SRGAP2: variants seen among roughly 807,000 people sequenced by gnomAD.
SRGAP2 encodes SLIT-ROBO Rho GTPase-activating protein 2.
Under a neutral mutation model 57.2 loss-of-function variants are expected in SRGAP2, and 15 were observed. The observed-to-expected ratio is 0.26, with a 90% CI of 0.18 to 0.40. SRGAP2 has a LOEUF of 0.40. Among genes scored for constraint, SRGAP2 ranks in the 10% least tolerant of loss-of-function variants. The pLI is 1.00. For synonymous variants in SRGAP2, 249 were observed against 248.0 expected (o/e 1.00, Z -0.04); for missense variants, 520 against 669.6 (o/e 0.78, Z 2.47).
In SRGAP2 at chr1:206,351,080, T is replaced by C. The variant is rs1180439974; in HGVS notation, c.423+8072T>C. Among the ~76,000 whole-genome samples the C allele has an allele frequency of 1.2e-4, 18 of 152,224 alleles. 1 individual carries two copies. The highest frequency in any genetic ancestry group is 3.9e-4 in the African/African-American group (16 of 41,456). On this transcript the variant is annotated intron_variant, in intron 4 of 22. Transcript: ENST00000573034. ...CTATCTGTTTGGTATCCATTTGGACTGAGATAGGATTTCCTATGGCGTGTC... is the reference window on the plus strand; with the variant it reads ...CTATCTGTTTGGTATCCATTTGGACCGAGATAGGATTTCCTATGGCGTGTC...
intron 2 of SRGAP2, among the ~76,000 whole-genome samples, chr1:206,227,322 G>A (rs1164893341): frequency 6.6e-6 from 1 of 152,190 alleles, no homozygotes; most frequent in African/African-American, 2.4e-5. Flanking sequence ...ATTTTTATTC[G>A]GTTAGAGAGA....
intron 17 of SRGAP2, among the ~76,000 whole-genome samples, chr1:206,445,161 G>A (rs1662646263): frequency 6.6e-6 from 1 of 152,198 alleles, no homozygotes; most frequent in South Asian, 2.1e-4. Flanking sequence ...AGACTCCTCA[G>A]CAGAGCTCAC....
intron 2 of SRGAP2, among the ~76,000 whole-genome samples, chr1:206,285,861 C>T (rs1434461748): frequency 2.6e-5 from 4 of 151,988 alleles, no homozygotes; most frequent in Non-Finnish European, 5.9e-5. Context: ...AGATGGGGTT[C>T]TGCCATGTTG....
rs535619017 is a variant in SRGAP2, at chr1:206,255,831, C to T, written c.68-47450C>T. 2.6e-5 allele frequency among the ~76,000 whole-genome samples: 4 copies of T among 152,124 alleles called. No homozygotes were observed. The South Asian group carries it at 8.3e-4, about 32-fold the overall frequency. ...AAAAAGCTCTAGGAGCTTTGCTCCC[C>T]CATCCTCTACTTGGGTTCTGGAACT... On this transcript the variant is annotated intron_variant, in intron 2 of 22. Transcript: ENST00000573034.
chr1:206,209,828 T>C (rs1301922810), intron 2 of SRGAP2, among the ~76,000 whole-genome samples: 7 of 148,748 alleles, frequency 4.7e-5, no homozygotes, highest in African/African-American at 1.8e-4. Context: ...TTCTGTATAC[T>C]TTAAATCATC....
At chr1:206,367,324 T>C (rs1252269166) in intron 4 of SRGAP2, among the ~76,000 whole-genome samples, 3 of 152,242 alleles carry the variant, frequency 2.0e-5, no homozygotes, top group Middle Eastern at 3.2e-3. Flanking sequence ...AGGTGCTTAC[T>C]ATATGCAAGG....
chr1:206,411,595 T>A (rs1659230697), intron 10 of SRGAP2, among the ~76,000 whole-genome samples: 1 of 152,224 alleles, frequency 6.6e-6, no homozygotes, highest in Non-Finnish European at 1.5e-5. Flanking sequence ...TATAGTGACA[T>A]CTGTGTATCT....
intron 14 of SRGAP2, 62 bp downstream of exon 14, chr1:206,430,284 C>T: frequency 1.3e-6 from 1 of 777,616 alleles, no homozygotes; most frequent in Admixed American, 1.7e-5. Flanking sequence ...TCCAGGAATT[C>T]TTTGTAGAGT....
intron 3 of SRGAP2, among the ~76,000 whole-genome samples, chr1:206,304,344 G>A (rs1396988632): frequency 7.2e-6 from 1 of 139,066 alleles, no homozygotes; most frequent in Non-Finnish European, 1.5e-5. Context: ...ACAGGGTGGT[G>A]TAAAAGCTTC....
intron 17 of SRGAP2, among the ~76,000 whole-genome samples, chr1:206,441,992 T>C (rs1662350420): frequency 6.6e-6 from 1 of 152,244 alleles, no homozygotes; most frequent in Non-Finnish European, 1.5e-5. Flanking sequence ...TTTGCACATA[T>C]TTCTTTGTGA....
chr1:206,437,340 C>A (rs1661857309), intron 15 of SRGAP2, among the ~76,000 whole-genome samples: 1 of 152,158 alleles, frequency 6.6e-6, no homozygotes, highest in South Asian at 2.1e-4. Flanking sequence ...CATCCGGAAC[C>A]CTTGGTAGCA....
In SRGAP2 at chr1:206,267,233, G is replaced by A. The variant is rs181716477; in HGVS notation, c.68-36048G>A. Reference sequence around the variant, plus strand: ...TCCGCCTGCCTCTGCCTCCCAAAGTGCTGGGATTACAGGCATGAGCCACCA... The same window carrying A: ...TCCGCCTGCCTCTGCCTCCCAAAGTACTGGGATTACAGGCATGAGCCACCA... On this transcript the variant is annotated intron_variant, in intron 2 of 22. Transcript: ENST00000573034. 8.1e-4 allele frequency among the ~76,000 whole-genome samples: 124 copies of A among 152,320 alleles called. 1 individual carries two copies. The highest frequency in any genetic ancestry group is 2.9e-3 in the African/African-American group (120 of 41,566).
In SRGAP2 at chr1:206,371,989, AT is replaced by A. The variant is rs1405036657; in HGVS notation, c.424-12019del. Among the ~76,000 whole-genome samples, 2 of 82,338 alleles carry A rather than the reference AT, an allele frequency of 2.4e-5. 1 individual carries two copies. Among genetic ancestry groups the A allele is most frequent in the East Asian group, 9.5e-4 (2 of 2,116 alleles). 54.0% of individuals were successfully genotyped at this position (82,338 alleles called of 152,430 possible). ...AGGTGTGTGCCACCATGCCTGGCTT[AT>A]TTTTTATTTTTTGTAAAGAGAGGGT... is the stretch of plus-strand genomic sequence containing the variant. On this transcript the variant is annotated intron_variant, in intron 4 of 22. Coordinates refer to ENST00000573034, the MANE Select transcript of SRGAP2 (RefSeq NM_015326.5).
At chr1:206,433,702 G>A (rs1488502759) in intron 14 of SRGAP2, among the ~76,000 whole-genome samples, 4 of 151,682 alleles carry the variant, frequency 2.6e-5, no homozygotes, top group Non-Finnish European at 5.9e-5. Flanking sequence ...ATGGAATGCA[G>A]ACAGTAACAT....
intron 4 of SRGAP2, among the ~76,000 whole-genome samples, chr1:206,378,393 T>G (rs1362670075): frequency 3.3e-5 from 5 of 151,786 alleles, no homozygotes; most frequent in African/African-American, 7.3e-5. Flanking sequence ...GGGAGGAGGA[T>G]CACGTGACAG....
At chr1:206,445,504 G>A (rs1298951370) in intron 17 of SRGAP2, among the ~76,000 whole-genome samples, 1 of 152,244 alleles carries the variant, frequency 6.6e-6, no homozygotes, top group African/African-American at 2.4e-5. Context: ...GTTCTAGGAA[G>A]AAATTCACTG....
chr1:206,309,081 G>A (rs1281998958), intron 3 of SRGAP2, among the ~76,000 whole-genome samples: 3 of 142,010 alleles, frequency 2.1e-5, no homozygotes, highest in Non-Finnish European at 4.5e-5. Context: ...TGGGAAGATC[G>A]CTTCACTCCA....
intron 18 of SRGAP2, among the ~76,000 whole-genome samples, chr1:206,448,633 G>A (rs771135424): frequency 2.0e-5 from 3 of 152,166 alleles, no homozygotes; most frequent in African/African-American, 2.4e-5. Flanking sequence ...AAGATGGGGC[G>A]CTGTTTTTTA....
intron 3 of SRGAP2, among the ~76,000 whole-genome samples, chr1:206,311,197 G>A (rs1180628331): frequency 6.6e-6 from 1 of 151,856 alleles, no homozygotes; most frequent in African/African-American, 2.4e-5. Context: ...TGTAGTTATT[G>A]TTCTGGGTGA....
Sources: allele counts gnomAD v4.1 joint callset (sites outside exome capture counted in the v4.1 genomes callset), GRCh38; gene constraint gnomAD v4.1.1; transcripts MANE v1.5; gene names NCBI Gene and HGNC (gene_info 2026-07-23, HGNC 2026-07-21).